Variants in LRMDA observed in about 807,000 individuals in gnomAD.
LRMDA encodes leucine rich melanocyte differentiation associated.
In LRMDA, 18 loss-of-function variants were observed where a neutral mutation model predicts 29.8. That is an observed-to-expected ratio of 0.60 (90% CI 0.42 to 0.90). LRMDA has a LOEUF of 0.90. Ranked by LOEUF, LRMDA falls within the 40% of genes least tolerant of loss-of-function variation. LRMDA has a pLI of 0.00. For missense variants in LRMDA, 273 were observed against 273.9 expected (o/e 1.00, Z 0.02); for synonymous variants, 125 against 109.4 (o/e 1.14, Z -0.89).
intron 5 of LRMDA, among the ~76,000 whole-genome samples, chr10:76,205,649 C>G (rs1851520304): frequency 6.6e-6 from 1 of 152,072 alleles, no homozygotes; most frequent in Non-Finnish European, 1.5e-5. Flanking sequence ...GATTATTATT[C>G]CCTAAATTAC....
chr10:75,432,642 T>G (rs1203279243), intron 1 of LRMDA, among the ~76,000 whole-genome samples: 2 of 152,244 alleles, frequency 1.3e-5, no homozygotes, highest in Non-Finnish European at 2.9e-5. Context: ...TTTGAAGCTC[T>G]CCTCTTGGAT....
chr10:76,263,081 A>G (rs1411456455), intron 5 of LRMDA, among the ~76,000 whole-genome samples: 1 of 152,090 alleles, frequency 6.6e-6, no homozygotes. Context: ...TTTCAAATTG[A>G]AAAAAAATTC....
chr10:75,467,430 G>T (rs534795423), intron 2 of LRMDA, among the ~76,000 whole-genome samples: 2 of 152,328 alleles, frequency 1.3e-5, no homozygotes, highest in African/African-American at 4.8e-5. Flanking sequence ...TGTCTTAGGT[G>T]TTTGAGAAGA....
intron 2 of LRMDA, among the ~76,000 whole-genome samples, chr10:75,866,851 CTGTT>C (rs1845028414): frequency 6.6e-6 from 1 of 152,196 alleles, no homozygotes; most frequent in Non-Finnish European, 1.5e-5. Flanking sequence ...TTCGTCTTGA[CTGTT>C]TGCTGGTCGT....
chr10:75,925,154 C>A (rs1464842261), intron 2 of LRMDA, among the ~76,000 whole-genome samples: 1 of 152,164 alleles, frequency 6.6e-6, no homozygotes, highest in East Asian at 1.9e-4. Flanking sequence ...GGATGTGACA[C>A]TTTAGCTATG....
intron 6 of LRMDA, among the ~76,000 whole-genome samples, chr10:76,430,525 C>T (rs773728099): frequency 2.6e-5 from 4 of 152,126 alleles, no homozygotes; most frequent in Non-Finnish European, 4.4e-5. Flanking sequence ...GCCACTGCAT[C>T]CTCTCATTAC....
chr10:75,999,925 G>A (rs1007893550), intron 2 of LRMDA, among the ~76,000 whole-genome samples: 2 of 152,052 alleles, frequency 1.3e-5, no homozygotes, highest in East Asian at 1.9e-4. Context: ...GTGACATTTC[G>A]TGCATGTTTG....
chr10:76,189,537 C>T (rs925491829), intron 5 of LRMDA, among the ~76,000 whole-genome samples: 1 of 152,128 alleles, frequency 6.6e-6, no homozygotes, highest in Non-Finnish European at 1.5e-5. Flanking sequence ...CCACTGAAAT[C>T]TCACTTTTGA....
At chr10:76,111,847 C>T (rs927014100) in intron 5 of LRMDA, among the ~76,000 whole-genome samples, 1 of 151,994 alleles carries the variant, frequency 6.6e-6, no homozygotes, top group African/African-American at 2.4e-5. Flanking sequence ...CTTTTCTTCG[C>T]GTCAAAATTA....
At chr10:75,647,781 G>T (rs575815242) in intron 2 of LRMDA, among the ~76,000 whole-genome samples, 10 of 152,240 alleles carry the variant, frequency 6.6e-5, no homozygotes, top group South Asian at 6.2e-4. Flanking sequence ...TTGGTGACTG[G>T]GAATTGGACT....
At chr10:75,501,175 T>C (rs145314300) in intron 2 of LRMDA, among the ~76,000 whole-genome samples, 36 of 152,332 alleles carry the variant, frequency 2.4e-4, no homozygotes, top group Admixed American at 7.2e-4. Flanking sequence ...CCTTTTTTTT[T>C]CCCACCTATT....
chr10:76,040,390 T>C (rs1848320783), intron 3 of LRMDA, among the ~76,000 whole-genome samples: 1 of 152,212 alleles, frequency 6.6e-6, no homozygotes, highest in South Asian at 2.1e-4. Flanking sequence ...ACCAGCCCTT[T>C]TTCTCATTGT....
At chr10:76,106,653 G>A (rs775474390) in intron 5 of LRMDA, among the ~76,000 whole-genome samples, 3 of 152,162 alleles carry the variant, frequency 2.0e-5, no homozygotes, top group Non-Finnish European at 2.9e-5. Context: ...GGCTTGTGAT[G>A]CAGTGTGGTA....
At chr10:75,533,386 A>T (rs975682762) in intron 2 of LRMDA, among the ~76,000 whole-genome samples, 10 of 152,220 alleles carry the variant, frequency 6.6e-5, no homozygotes, top group Non-Finnish European at 1.2e-4. Context: ...GTCTCTTTGG[A>T]TCTACTTCAG....
At chr10:76,092,863 T>A (rs1212144441) in intron 5 of LRMDA, among the ~76,000 whole-genome samples, 1 of 152,144 alleles carries the variant, frequency 6.6e-6, no homozygotes. Context: ...GAAATAAAAA[T>A]GTTTCCTTTC....
chr10:75,558,008 G>A (rs544999985), intron 2 of LRMDA, among the ~76,000 whole-genome samples: 6 of 152,144 alleles, frequency 3.9e-5, no homozygotes, highest in South Asian at 2.1e-4. Context: ...GAAATGTTTC[G>A]TAGTTCTCTG....
At chr10:75,601,283 T>A (rs1214214692) in intron 2 of LRMDA, 3 of 152,278 alleles carry the variant, frequency 2.0e-5, no homozygotes, top group Non-Finnish European at 4.4e-5. Flanking sequence ...GCCTCCGAGC[T>A]GCTCAAAGGG....
chr10:75,502,298 C>T (rs1009507277), intron 2 of LRMDA, among the ~76,000 whole-genome samples: 5 of 152,204 alleles, frequency 3.3e-5, no homozygotes, highest in Admixed American at 3.3e-4. Context: ...AGCCCTGTGG[C>T]TTCTGCAACA....
intron 6 of LRMDA, among the ~76,000 whole-genome samples, chr10:76,529,129 C>T (rs984585296): frequency 6.6e-6 from 1 of 152,138 alleles, no homozygotes; most frequent in African/African-American, 2.4e-5. Flanking sequence ...CTGTCATCAC[C>T]TGTGCTTGGT....
Sources: allele counts gnomAD v4.1 joint callset (sites outside exome capture counted in the v4.1 genomes callset), GRCh38; gene constraint gnomAD v4.1.1; transcripts MANE v1.5; gene names NCBI Gene and HGNC (gene_info 2026-07-23, HGNC 2026-07-21).